The following MYO3B variants were observed in gnomAD, a reference collection of about 807,000 sequenced individuals.
The protein encoded by MYO3B is myosin-IIIb.
In MYO3B, 156 loss-of-function variants were observed where a neutral mutation model predicts 174.6. That is an observed-to-expected ratio of 0.89 (90% CI 0.78 to 1.02). MYO3B has a LOEUF of 1.02. Ranked by LOEUF, MYO3B falls within the 50% of genes least tolerant of loss-of-function variation. MYO3B has a pLI of 0.00. For missense variants in MYO3B, 1,632 were observed against 1,639.4 expected (o/e 1.00, Z 0.08); for synonymous variants, 563 against 569.1 (o/e 0.99, Z 0.15).
chr2:170,650,249 G>C (rs1363429767), intron 32 of MYO3B, among the ~76,000 whole-genome samples: 1 of 151,418 alleles, frequency 6.6e-6, no homozygotes, highest in Non-Finnish European at 1.5e-5. Flanking sequence ...GCCAGGCTGG[G>C]TTCTGATAGT....
chr2:170,526,764 A>C (rs1267724679), intron 30 of MYO3B, among the ~76,000 whole-genome samples: 1 of 152,186 alleles, frequency 6.6e-6, no homozygotes, highest in Non-Finnish European at 1.5e-5. Flanking sequence ...TTCAAGGAGA[A>C]ATCTGTTTTG....
intron 32 of MYO3B, among the ~76,000 whole-genome samples, chr2:170,588,575 C>G (rs1693635425): frequency 6.6e-6 from 1 of 152,152 alleles, no homozygotes; most frequent in South Asian, 2.1e-4. Context: ...GAATACCTTC[C>G]AAGATTTTGC....
At chr2:170,649,525 A>C (rs1698838842) in intron 32 of MYO3B, among the ~76,000 whole-genome samples, 1 of 145,028 alleles carries the variant, frequency 6.9e-6, no homozygotes, top group East Asian at 2.0e-4. Flanking sequence ...ATTTCTTCTT[A>C]AGAAAGGCAA....
intron 16 of MYO3B, among the ~76,000 whole-genome samples, chr2:170,393,954 A>C (rs908071847): frequency 2.6e-5 from 4 of 152,186 alleles, no homozygotes; most frequent in Admixed American, 1.3e-4. Context: ...TCAAAGATGC[A>C]TCCCCAGAAG....
chr2:170,536,362 A>T (rs1433126126), intron 30 of MYO3B, among the ~76,000 whole-genome samples: 3 of 152,256 alleles, frequency 2.0e-5, no homozygotes, highest in African/African-American at 7.2e-5. Flanking sequence ...TGTGTGCTTT[A>T]GAGCAAACAA....
At chr2:170,386,031 A>G in intron 12 of MYO3B, 158 bp from the exon 13 acceptor site, 5 of 571,706 alleles carry the variant, frequency 8.7e-6, no homozygotes, top group Non-Finnish European at 1.6e-5. Context: ...GTAGCTATAC[A>G]AAAGGTTGAA....
rs1240603484 is a variant in MYO3B at position 170,470,127 on chromosome 2, A to AG, written c.3014+3416_3014+3417insG. Among the ~76,000 whole-genome samples, 21 of 141,978 alleles carry AG rather than the reference A, an allele frequency of 1.5e-4. 1 individual carries two copies. The East Asian group carries it at 1.9e-3, about 13-fold the overall frequency. The allele number at this position is 141,978 out of a possible 152,430, so 93.1% of individuals were successfully genotyped here. On this transcript the variant is annotated intron_variant, in intron 25 of 34. Transcript: ENST00000408978. The stretch of plus-strand genomic sequence containing the variant: ...CAAAAAAAAAAAAAAAAAAAAAAAA[A>AG]AAAGAAGGAAAGTATACAGTTCAAA...
intron 9 of MYO3B, among the ~76,000 whole-genome samples, chr2:170,381,250 A>G (rs2094333301): frequency 6.6e-6 from 1 of 152,246 alleles, no homozygotes; most frequent in African/African-American, 2.4e-5. Context: ...CTAGGTAGGT[A>G]GGTAAGTGGG....
intron 15 of MYO3B, 53 bp from the exon 16 acceptor site, chr2:170,392,328 A>G (rs2094417722): frequency 7.8e-7 from 1 of 1,277,984 alleles, no homozygotes; most frequent in Middle Eastern, 1.9e-4. Flanking sequence ...AAATGCCTGT[A>G]CTACTTTCCA....
At chr2:170,235,478 C>T (rs1249072749) in intron 6 of MYO3B, among the ~76,000 whole-genome samples, 1 of 152,110 alleles carries the variant, frequency 6.6e-6, no homozygotes, top group Admixed American at 6.6e-5. Context: ...GAAAGATGCT[C>T]TTAGAAAAAG....
At chr2:170,186,137 G>C (rs1327839001) in intron 1 of MYO3B, among the ~76,000 whole-genome samples, 1 of 152,044 alleles carries the variant, frequency 6.6e-6, no homozygotes. Context: ...TCTCTTGTCT[G>C]ATTGCTTTAG....
intron 3 of MYO3B, among the ~76,000 whole-genome samples, chr2:170,202,787 A>G (rs1393089936): frequency 6.6e-6 from 1 of 152,164 alleles, no homozygotes; most frequent in African/African-American, 2.4e-5. Context: ...CACACAAAAA[A>G]ATTATCTGTT....
At chr2:170,642,105 C>A (rs921776175) in intron 32 of MYO3B, among the ~76,000 whole-genome samples, 6 of 152,056 alleles carry the variant, frequency 3.9e-5, no homozygotes, top group Admixed American at 2.6e-4. Context: ...ACAAAAACAT[C>A]CCAATTAACC....
intron 25 of MYO3B, among the ~76,000 whole-genome samples, chr2:170,474,820 G>C (rs1289603566): frequency 7.6e-6 from 1 of 131,024 alleles, no homozygotes; most frequent in Non-Finnish European, 1.6e-5. Context: ...TGACTATTCT[G>C]TGTCCTAGAA....
intron 7 of MYO3B, among the ~76,000 whole-genome samples, chr2:170,325,515 A>G (rs2093860129): frequency 6.6e-6 from 1 of 152,012 alleles, no homozygotes; most frequent in Non-Finnish European, 1.5e-5. Context: ...GCCTAAGTTA[A>G]ACATTCTTTA....
At chr2:170,537,654 C>T (rs563587284) in intron 30 of MYO3B, among the ~76,000 whole-genome samples, 1 of 151,656 alleles carries the variant, frequency 6.6e-6, no homozygotes, top group Non-Finnish European at 1.5e-5. Flanking sequence ...CCCATGTTCC[C>T]CAGGCTAATC....
intron 7 of MYO3B, among the ~76,000 whole-genome samples, chr2:170,327,902 G>A (rs1231989939): frequency 4.3e-5 from 6 of 139,414 alleles, no homozygotes; most frequent in African/African-American, 1.3e-4. Context: ...TATATATAAT[G>A]TATAAATATA....
chr2:170,551,343 A>ATTTT (rs1553520381), intron 32 of MYO3B, among the ~76,000 whole-genome samples: 9 of 10,926 alleles, frequency 8.2e-4, no homozygotes, highest in Non-Finnish European at 1.8e-3. Flanking sequence ...AATTTAATTT[A>ATTTT]ATTTAATTAT....
intron 22 of MYO3B, 61 bp from the exon 23 acceptor site, chr2:170,443,906 A>G (rs1225574997): frequency 2.8e-6 from 4 of 1,407,378 alleles, no homozygotes; most frequent in Non-Finnish European, 3.9e-6. Flanking sequence ...GGGAAAAATT[A>G]CTCATGATCC....
Sources: allele counts gnomAD v4.1 joint callset (sites outside exome capture counted in the v4.1 genomes callset), GRCh38; gene constraint gnomAD v4.1.1; transcripts MANE v1.5; gene names NCBI Gene and HGNC (gene_info 2026-07-23, HGNC 2026-07-21).